Variants in EP400 observed in about 807,000 individuals in gnomAD.
EP400 encodes the protein E1A-binding protein p400.
Under a neutral mutation model 354.1 loss-of-function variants are expected in EP400, and 105 were observed. The observed-to-expected ratio is 0.30, with a 90% CI of 0.25 to 0.35. The LOEUF (loss-of-function observed/expected upper bound fraction) is 0.35. Among genes scored for constraint, EP400 ranks in the 10% least tolerant of loss-of-function variants. The pLI, the probability that EP400 is intolerant of heterozygous loss-of-function variation, is 1.00. For synonymous variants in EP400, 1,646 were observed against 1,716.9 expected (o/e 0.96, Z 1.02); for missense variants, 3,280 against 4,121.0 (o/e 0.80, Z 5.59).
chr12:131,991,421 C>A lies in EP400; in HGVS notation c.2644C>A (p.Pro882Thr). Residue 882 changes from proline to threonine, a missense_variant, in exon 10 of 53, where the codon CCT becomes ACT. Around this residue, in one of 20 missense-constraint regions of EP400, gnomAD observed 800 missense variants for 840.0 expected, o/e 0.95. Transcript: ENST00000389561. Reference sequence around the variant, plus strand: ...TGTCTCTCTAGGGAAAGAATTGAGACCTAAAGGATTTGACGCATTACAGGA... The same window carrying A: ...TGTCTCTCTAGGGAAAGAATTGAGAACTAAAGGATTTGACGCATTACAGGA... ...KVSRRGKELR[P>T]KGFDALQESS... 1.9e-6 allele frequency: 3 copies of A among 1,613,894 alleles called. No homozygotes were observed. Among genetic ancestry groups the A allele is most frequent in the Non-Finnish European group, 2.5e-6 (3 of 1,179,950 alleles).
Position 132,027,394 on chromosome 12 carries a change from G to T in EP400, c.5015-43G>T, listed in dbSNP as rs1166489828. The T allele has an allele frequency of 6.2e-7, 1 of 1,601,778 alleles. No individual in the cohort carries two copies. The highest frequency in any genetic ancestry group is 1.7e-5 in the Admixed American group (1 of 60,000). ...ATGCTGGTGTCAGATGAAATCCTGT[G>T]AACTTGGCGTTCCTTTTCACCTCTT... On this transcript the variant is annotated intron_variant, in intron 25 of 52. Coordinates refer to ENST00000389561, the MANE Select transcript of EP400 (RefSeq NM_015409.5). The surrounding 1 kb of genome is among the most constrained non-coding windows in gnomAD (Gnocchi z 4.9).
chr12:131,981,927 A>G (rs1892694170), intron 4 of EP400, among the ~76,000 whole-genome samples, 166 bp from the exon 5 acceptor site: 2 of 152,150 alleles, frequency 1.3e-5, no homozygotes, highest in South Asian at 4.1e-4. Flanking sequence ...GCAAAGGTCA[A>G]GCGCCTCTCT....
chr12:131,983,920 A>T (rs1436919578), intron 5 of EP400, among the ~76,000 whole-genome samples: 38 of 148,814 alleles, frequency 2.6e-4, no homozygotes, highest in Admixed American at 1.1e-3. Flanking sequence ...TTTTTTTTTT[A>T]GACGGAGTTT....
At chr12:131,966,592 A>T (rs1442409269) in intron 2 of EP400, among the ~76,000 whole-genome samples, 2 of 137,410 alleles carry the variant, frequency 1.5e-5, no homozygotes, top group Non-Finnish European at 3.1e-5. Flanking sequence ...AAAAAAGACC[A>T]CCCTGTCTCT....
chr12:131,960,779 C>T lies in EP400; in HGVS notation c.160C>T (p.Pro54Ser). ...PSASPSAPQS[P>S]SYQIQQLMNR... ...AGCAAGCCCGTCGGCACCCCAGTCT[C>T]CCAGTTATCAAATACAGCAGCTGAT... is the stretch of plus-strand genomic sequence containing the variant. The change falls in exon 2 of 53, where the codon CCC (proline) becomes TCC (serine). Residue 54 changes from proline to serine, a missense_variant. Coordinates refer to ENST00000389561, the MANE Select transcript of EP400 (RefSeq NM_015409.5). The T allele has an allele frequency of 1.2e-6, 2 of 1,612,412 alleles. No homozygotes were observed. Among genetic ancestry groups the T allele is most frequent in the Non-Finnish European group, 8.5e-7 (1 of 1,179,820 alleles).
chr12:132,024,850 T>C (rs1894248713), intron 24 of EP400, among the ~76,000 whole-genome samples: 1 of 110,044 alleles, frequency 9.1e-6, no homozygotes, highest in Non-Finnish European at 1.9e-5. Context: ...CCACCTTCCC[T>C]CACCTTCCTT....
intron 50 of EP400, chr12:132,069,240 G>C (rs902375140): frequency 1.5e-5 from 7 of 470,844 alleles, no homozygotes; most frequent in Non-Finnish European, 2.7e-5. Context: ...CAGTGTCCCG[G>C]GTGGGGTGGG....
chr12:131,979,832 C>A, intron 3 of EP400, 39 bp downstream of exon 3: 2 of 1,534,336 alleles, frequency 1.3e-6, no homozygotes, highest in South Asian at 1.2e-5. Flanking sequence ...GGAATGCCCC[C>A]CTCTCCTTGG....
chr12:132,058,849 CAA>C (rs1895601271), intron 45 of EP400, among the ~76,000 whole-genome samples: 1 of 149,116 alleles, frequency 6.7e-6, no homozygotes, highest in African/African-American at 2.5e-5. Flanking sequence ...TGCAGGGGTA[CAA>C]TCACAGCTCA....
rs886973732 is a variant in EP400 at position 132,044,182 on chromosome 12, A to G, written c.6456A>G (p.Ala2152=). The part of the protein sequence containing the change: ...EQEKERNSED[A]VMTAVRAWEF... ...CTTGCTGCTCTCCCCGTCAGGACGC[A>G]GTGATGACTGCAGTGAGGGCATGGG... The change falls in exon 35 of 53, where the codon GCA becomes GCG. Residue 2152 remains alanine, a synonymous_variant. Transcript: ENST00000389561. 1 of 1,614,118 alleles carries G rather than the reference A, an allele frequency of 6.2e-7. No homozygotes were observed.
At chr12:131,962,178 G>C (rs1232556700) in intron 2 of EP400, among the ~76,000 whole-genome samples, 1 of 152,194 alleles carries the variant, frequency 6.6e-6, no homozygotes, top group African/African-American at 2.4e-5. Flanking sequence ...GGAAGGGACG[G>C]AGCTGCGCTA....
At chr12:132,055,524 GGT>G (rs556970571) in intron 45 of EP400, among the ~76,000 whole-genome samples, 26 of 135,188 alleles carry the variant, frequency 1.9e-4, no homozygotes, top group African/African-American at 6.2e-4. Flanking sequence ...GAGGTGTAGG[GGT>G]GTGTGTGAGG....
At chr12:131,978,674 A>G (rs1264593922) in intron 2 of EP400, among the ~76,000 whole-genome samples, 2 of 151,784 alleles carry the variant, frequency 1.3e-5, no homozygotes, top group African/African-American at 4.8e-5. Context: ...CCTGGCTAAC[A>G]TTTTAATTTT....
At chr12:131,969,065 T>C (rs1892202089) in intron 2 of EP400, among the ~76,000 whole-genome samples, 1 of 152,092 alleles carries the variant, frequency 6.6e-6, no homozygotes, top group Admixed American at 6.5e-5. Context: ...TTTATCGTAT[T>C]GGCAAGGGCA....
rs774922343 is a variant in EP400, at chr12:132,062,575, GCAGCAGCAGCAGCAGCAA to G, written c.8223_8240del (p.Gln2743_Gln2748del). On this transcript the variant is annotated inframe_deletion, in exon 47 of 53. Transcript: ENST00000389561. ...AGCAGCAGCAGCAGCAGCAGCAGCA[GCAGCAGCAGCAGCAGCAA>G]CAGCAGCAGCAGCAACAGACGACGA... is the stretch of plus-strand genomic sequence containing the variant. 25 of 1,610,032 alleles carry G rather than the reference GCAGCAGCAGCAGCAGCAA, an allele frequency of 1.6e-5. No homozygotes were observed. Among genetic ancestry groups the G allele is most frequent in the South Asian group, 6.6e-5 (6 of 90,700 alleles).
chr12:131,979,501 G>A (rs559803867), intron 2 of EP400, among the ~76,000 whole-genome samples, 193 bp from the exon 3 acceptor site: 1 of 152,142 alleles, frequency 6.6e-6, no homozygotes, highest in South Asian at 2.1e-4. Context: ...TCCCCCAGAG[G>A]TAAGTTAGAA....
intron 45 of EP400, among the ~76,000 whole-genome samples, chr12:132,057,238 T>C (rs1895543903): frequency 6.6e-6 from 1 of 152,208 alleles, no homozygotes; most frequent in South Asian, 2.1e-4. Flanking sequence ...TATTCAGGAT[T>C]GCTCAAAAAG....
chr12:131,992,352 A>G, intron 11 of EP400, 122 bp downstream of exon 11: 2 of 863,030 alleles, frequency 2.3e-6, no homozygotes, highest in East Asian at 4.8e-5. Context: ...CAACCTTTGT[A>G]TTTATCCAGA....
chr12:131,979,350 A>G (rs1261480419), intron 2 of EP400, among the ~76,000 whole-genome samples: 1 of 152,112 alleles, frequency 6.6e-6, no homozygotes, highest in Non-Finnish European at 1.5e-5. Context: ...AGTGTGACTG[A>G]TGAGTCGGCT....
Sources: gnomAD v4.1 joint callset for allele counts (sites outside exome capture counted in the v4.1 genomes callset) on GRCh38, gnomAD v4.1.1 for gene constraint, gnomAD v4.1.1 regional missense constraint, Gnocchi (gnomAD v3.1) non-coding constraint, MANE v1.5 for transcripts, NCBI Gene and HGNC (gene_info 2026-07-23, HGNC 2026-07-21) for gene names.